The following PNKP variants were observed in gnomAD, a reference collection of about 807,000 sequenced individuals.
The protein encoded by PNKP is polynucleotide kinase 3'-phosphatase.
Under a neutral mutation model 66.2 loss-of-function variants are expected in PNKP, and 82 were observed. The ratio of observed to expected loss-of-function variants is 1.24; its 90% CI spans 1.04 to 1.49. The LOEUF (loss-of-function observed/expected upper bound fraction) is 1.49. Ranked by LOEUF, PNKP falls within the 40% of genes most tolerant of loss-of-function variation. The pLI is 0.00. For synonymous variants in PNKP, 412 were observed against 298.9 expected (o/e 1.38, Z -3.90); for missense variants, 907 against 706.8 (o/e 1.28, Z -3.21).
chr19:49,864,235 T>TCCTA lies in PNKP; in HGVS notation c.579-3_579dup (p.Ile194Ter). ...TTACGGGGAATCTCTGGGTACAAGA[T>TCCTA]CCTACGGCAGGTATGAAGCGGCAGG... On this transcript the variant is annotated stop_gained and frameshift_variant and splice_region_variant, in exon 6 of 17. Coordinates refer to ENST00000322344, the MANE Select transcript of PNKP (RefSeq NM_007254.4). LOFTEE classifies it high-confidence loss of function. 6.2e-7 allele frequency: 1 copy of TCCTA among 1,614,118 alleles called. No individual in the cohort carries two copies. Among genetic ancestry groups the TCCTA allele is most frequent in the Non-Finnish European group, 8.5e-7 (1 of 1,180,018 alleles).
Position 49,864,189 on chromosome 19 carries a change from TC to T in PNKP, c.625del (p.Glu209ArgfsTer6). 3.7e-6 allele frequency: 6 copies of T among 1,614,106 alleles called. No individual in the cohort carries two copies. Among genetic ancestry groups the T allele is most frequent in the Non-Finnish European group, 5.1e-6 (6 of 1,179,996 alleles). On this transcript the variant is annotated frameshift_variant, in exon 6 of 17. Transcript: ENST00000322344. LOFTEE classifies it high-confidence loss of function. ...IPRKLRELEAEGYKLVIFTNQ... is the reference protein window; with the variant it reads ...IPRKLRELEAXGYKLVIFTNQ... ...GGCGGCTGCACATACCTTGTAGCCC[TC>T]GGCTTCCAGCTCTCGGAGCTTACGG...
At chr19:49,862,905 C>G (rs377225599) in intron 8 of PNKP, 167 bp from the exon 9 acceptor site, 7 of 752,470 alleles carry the variant, frequency 9.3e-6, no homozygotes, top group South Asian at 1.5e-5. Flanking sequence ...GGCCCCCTCC[C>G]CCCTCCGTGG....
chr19:49,864,439 T>G, intron 4 of PNKP, 36 bp from the exon 5 acceptor site: 1 of 1,495,260 alleles, frequency 6.7e-7, no homozygotes, highest in Non-Finnish European at 9.3e-7. Context: ...AGCAGCACTG[T>G]GATACCTCTG....
intron 3 of PNKP, 173 bp from the exon 4 acceptor site, chr19:49,865,599 A>AT: frequency 6.3e-5 from 32 of 508,232 alleles, no homozygotes; most frequent in South Asian, 1.0e-4. Context: ...CCTTGTCCGA[A>AT]TCTTTTTTTT....
Position 49,865,190 on chromosome 19 carries a change from G to T in PNKP, c.435C>A (p.Pro145=). The T allele has an allele frequency of 6.2e-7, 1 of 1,614,166 alleles. No individual in the cohort carries two copies. The highest frequency in any genetic ancestry group is 8.5e-7 in the Non-Finnish European group (1 of 1,180,022). The change falls in exon 4 of 17, where the codon CCC becomes CCA. Residue 145 remains proline (P), a synonymous_variant. Transcript: ENST00000322344. The part of the protein sequence containing the change: ...LPKKRMRKSN[P]GWENLEKLLV... Reference sequence around the variant, plus strand: ...GCAACTTCTCCAAGTTCTCCCAGCCGGGGTTTGACTTCCGCATACGCTTCT... The same window carrying T: ...GCAACTTCTCCAAGTTCTCCCAGCCTGGGTTTGACTTCCGCATACGCTTCT...
chr19:49,863,669 G>T lies in PNKP; in HGVS notation c.816+20C>A, dbSNP rs372038893. ...TGGAGTGAGGAAAAGGAGGGGGGCC[G>T]GGCAGGCTGCAAGACTCACCTGCTC... On this transcript the variant is annotated intron_variant, in intron 8 of 16. Transcript: ENST00000322344. The T allele has an allele frequency of 6.5e-7, 1 of 1,543,674 alleles. No homozygotes were observed. The highest frequency in any genetic ancestry group is 2.4e-5 in the East Asian group (1 of 41,018).
At position 49,864,541 on chromosome 19, in the gene PNKP, C is replaced by T. The variant is rs904492234; in HGVS notation, c.499-138G>A. The T allele has an allele frequency of 6.2e-5, 46 of 745,996 alleles. 1 individual carries two copies. The South Asian group carries it at 6.3e-4, about 10-fold the overall frequency. The allele number at this position is 745,996 out of a possible 1,614,324, so 46.2% of individuals were successfully genotyped here. ...CAGATGGGGAAACCGAGTCACAGAGCACCTCCATCTCAAGCATCCGTGATG... is the reference window on the plus strand; with the variant it reads ...CAGATGGGGAAACCGAGTCACAGAGTACCTCCATCTCAAGCATCCGTGATG... On this transcript the variant is annotated intron_variant, in intron 4 of 16. Coordinates refer to ENST00000322344, the MANE Select transcript of PNKP (RefSeq NM_007254.4).
In PNKP at chr19:49,865,141, T is replaced by C; in HGVS notation, c.484A>G (p.Lys162Glu). ...KLLVFTAAGV[K>E]PQGKVAGFDL... Reference sequence around the variant, plus strand: ...GTGGCCCTCACCTTGCCCTGGGGTTTCACCCCAGCTGCGGTGAACACTAGC... The same window carrying C: ...GTGGCCCTCACCTTGCCCTGGGGTTCCACCCCAGCTGCGGTGAACACTAGC... The change falls in exon 4 of 17, where the codon AAA becomes GAA. Residue 162 changes from lysine (K) to glutamate (E), a missense_variant. Transcript: ENST00000322344. 6.2e-7 allele frequency: 1 copy of C among 1,613,878 alleles called. No individual in the cohort carries two copies.
intron 1 of PNKP, 115 bp from the exon 2 acceptor site, chr19:49,867,332 C>G (rs2074829470): frequency 9.0e-7 from 1 of 1,114,202 alleles, no homozygotes; most frequent in Admixed American, 2.6e-5. Context: ...TCCGGAAGTC[C>G]CACCCGCTCG....
chr19:49,866,830 G>A (rs937141810), intron 2 of PNKP: 34 of 611,916 alleles, frequency 5.6e-5, no homozygotes, highest in Non-Finnish European at 9.1e-5. Context: ...AGCATCATCC[G>A]CGCAGTGAAC....
In PNKP at chr19:49,861,488, G is replaced by C. The variant is rs1231560062; in HGVS notation, c.1409C>G (p.Ser470Cys). Residue 470 changes from serine to cysteine, a missense_variant, in exon 16 of 17, where the codon TCT becomes TGT. Coordinates refer to ENST00000322344, the MANE Select transcript of PNKP (RefSeq NM_007254.4). ...NNRFREMTDSSHIPVSDMVMY... is the reference protein window; with the variant it reads ...NNRFREMTDSCHIPVSDMVMY... ...GACCATGTCTGACACGGGGATATGA[G>C]AGGAGTCCGTCATCTCTCGAAACTG... 3.1e-6 allele frequency: 5 copies of C among 1,611,222 alleles called. No homozygotes were observed. Among genetic ancestry groups the C allele is most frequent in the Non-Finnish European group, 4.2e-6 (5 of 1,178,360 alleles).
rs115419706 is a variant in PNKP, at chr19:49,865,317, G to A, written c.308C>T (p.Thr103Ile). The A allele has an allele frequency of 5.6e-5, 91 of 1,614,174 alleles. No individual in the cohort carries two copies. The African/African-American group carries it at 1.1e-3, about 20-fold the overall frequency. ...TGTGCGGGTCTCTTCCCAGCGCAGG[G>A]TCAGTGGGTGGAGGCCATTGACCAA... Reference protein sequence around the residue: ...LYLVNGLHPLTLRWEETRTPE... With the variant: ...LYLVNGLHPLILRWEETRTPE... Residue 103 changes from threonine to isoleucine, a missense_variant, in exon 4 of 17, where the codon ACC becomes ATC. Thr to Ile is a moderately conservative substitution (Grantham distance 89). Coordinates refer to ENST00000322344, the MANE Select transcript of PNKP (RefSeq NM_007254.4).
rs2122315651 is a variant in PNKP at position 49,861,293 on chromosome 19, C to T, written c.1521G>A (p.Val507=). The T allele has an allele frequency of 6.2e-7, 1 of 1,614,006 alleles. No homozygotes were observed. Among genetic ancestry groups the T allele is most frequent in the Non-Finnish European group, 8.5e-7 (1 of 1,179,916 alleles). ...AILEIPFRLW[V]EPRLGRLYCQ... The stretch of plus-strand genomic sequence containing the variant: ...AGTACAGCCGCCCCAGCCTCGGCTC[C>T]ACCCATAGCCGGAACGGGATCTCCA... Residue 507 remains valine (V), a synonymous_variant, in exon 17 of 17, where the codon GTG becomes GTA. Coordinates refer to ENST00000322344, the MANE Select transcript of PNKP (RefSeq NM_007254.4).
chr19:49,861,659 G>A lies in PNKP; in HGVS notation c.1335C>T (p.Cys445=), dbSNP rs2074763392. The change falls in exon 15 of 17, where the codon TGC becomes TGT. Residue 445 remains cysteine, a synonymous_variant. Coordinates refer to ENST00000322344, the MANE Select transcript of PNKP (RefSeq NM_007254.4). The stretch of plus-strand genomic sequence containing the variant: ...GAGTGGCGGTGAAGAGGAAGCAGCG[G>A]CAGGGGACGCCCGCGGCTCGGGCAC... ...VQCARAAGVP[C]RCFLFTATLE... is the part of the protein sequence containing the mutation. 6.5e-7 allele frequency: 1 copy of A among 1,550,288 alleles called. No individual in the cohort carries two copies. Among genetic ancestry groups the A allele is most frequent in the Non-Finnish European group, 8.7e-7 (1 of 1,147,080 alleles).
Position 49,867,476 on chromosome 19 carries a change from C to T in PNKP, c.-21G>A, listed in dbSNP as rs893501652. 5 of 516,268 alleles carry T rather than the reference C, an allele frequency of 9.7e-6. No homozygotes were observed. Among genetic ancestry groups the T allele is most frequent in the Middle Eastern group, 5.2e-4 (1 of 1,920 alleles). The allele number at this position is 516,268 out of a possible 1,614,324, so 32.0% of individuals were successfully genotyped here. A position where few individuals can be genotyped will look rare whatever the true frequency, so the allele number is the denominator to read the frequency against. On this transcript the variant is annotated 5_prime_UTR_variant, in exon 1 of 17. Coordinates refer to ENST00000322344, the MANE Select transcript of PNKP (RefSeq NM_007254.4). ...GCCCCGCCCCGTACTCACCCGGGAC[C>T]GCGGCTTGGGCTCACGGCCACTTCC...
At chr19:49,867,313 A>G (rs972763996) in intron 1 of PNKP, 96 bp from the exon 2 acceptor site, 41 of 1,274,946 alleles carry the variant, frequency 3.2e-5, no homozygotes, top group Non-Finnish European at 4.3e-5. Context: ...TTTCCCCACC[A>G]TTAACTGCTC....
chr19:49,862,765 C>T lies in PNKP; in HGVS notation c.817-27G>A, dbSNP rs777543156. 14 of 1,613,510 alleles carry T rather than the reference C, an allele frequency of 8.7e-6. No individual in the cohort carries two copies. The East Asian group carries it at 2.5e-4, about 28-fold the overall frequency. ...TACGGGAGACGGTAGTGAGGAGGCC[C>T]TTCCCACAAATGTCCCCCCGCAGCG... is the stretch of plus-strand genomic sequence containing the variant. On this transcript the variant is annotated intron_variant, in intron 8 of 16. Transcript: ENST00000322344.
rs764823151 is a variant in PNKP, at chr19:49,863,954, C to G, written c.744+10G>C. The G allele has an allele frequency of 5.0e-6, 8 of 1,601,580 alleles. No homozygotes were observed. In the South Asian group the frequency reaches 8.8e-5, roughly 18 times the overall value. On this transcript the variant is annotated intron_variant, in intron 7 of 16. Coordinates refer to ENST00000322344, the MANE Select transcript of PNKP (RefSeq NM_007254.4). ...CCCCACATAGCTCCCAGCCTCCCTT[C>G]CAGCCATACCTGGAAGGGGACCCCC...
In PNKP at chr19:49,867,108, G is replaced by C. The variant is rs778423306; in HGVS notation, c.97C>G (p.Leu33Val). Residue 33 changes from leucine (L) to valine (V), a missense_variant, in exon 2 of 17, where the codon CTG (leucine) becomes GTG (valine). Coordinates refer to ENST00000322344, the MANE Select transcript of PNKP (RefSeq NM_007254.4). ...FLPSDGQALV[L>V]GRGPLTQVTD... ...ACCTGGGTCAGGGGTCCCCTGCCCA[G>C]GACCAGGGCTTGCCCGTCCGAGGGC... The C allele has an allele frequency of 6.2e-7, 1 of 1,613,626 alleles. No individual in the cohort carries two copies. The highest frequency in any genetic ancestry group is 8.5e-7 in the Non-Finnish European group (1 of 1,179,962).
Sources: gnomAD v4.1 joint callset for allele counts on GRCh38, gnomAD v4.1.1 for gene constraint, MANE v1.5 for transcripts, NCBI Gene and HGNC (gene_info 2026-07-23, HGNC 2026-07-21) for gene names.